The following PBX3 variants were observed in gnomAD, a reference collection of about 807,000 sequenced individuals.
PBX3 encodes the protein pre-B-cell leukemia transcription factor 3.
PBX3 carries 14 observed loss-of-function variants against 48.5 expected under a neutral mutation model. The observed-to-expected ratio is 0.29, with a 90% CI of 0.19 to 0.45. The LOEUF is 0.45. Ranked by LOEUF, PBX3 falls within the 20% of genes least tolerant of loss-of-function variation. The pLI, the probability that PBX3 is intolerant of heterozygous loss-of-function variation, is 1.00. For missense variants in PBX3, 386 were observed against 546.7 expected, an observed-to-expected ratio of 0.71 and a Z score of 2.93; for synonymous variants, 210 against 200.3, an observed-to-expected ratio of 1.05 and a Z score of -0.41.
chr9:125,888,010 C>T (rs951471538), intron 2 of PBX3, among the ~76,000 whole-genome samples: 13 of 152,124 alleles, frequency 8.5e-5, no homozygotes, highest in African/African-American at 3.1e-4. Flanking sequence ...GAGAGGAATC[C>T]AAACTTGGTG....
At chr9:125,915,983 G>A in intron 3 of PBX3, 56 bp downstream of exon 3, 1 of 1,589,960 alleles carries the variant, frequency 6.3e-7, no homozygotes, top group Non-Finnish European at 8.6e-7. Context: ...TCTTCTATTA[G>A]ACCATGCTAA....
intron 2 of PBX3, among the ~76,000 whole-genome samples, chr9:125,758,342 G>A (rs999839971): frequency 1.3e-5 from 2 of 151,052 alleles, no homozygotes; most frequent in African/African-American, 2.4e-5. Context: ...TTTAATTACT[G>A]TGATTATTAT....
intron 3 of PBX3, among the ~76,000 whole-genome samples, chr9:125,922,665 T>A (rs185723577): frequency 1.4e-4 from 21 of 152,292 alleles, no homozygotes; most frequent in Non-Finnish European, 8.8e-5. Flanking sequence ...AGCATCAATG[T>A]TAATATGTGG....
intron 2 of PBX3, among the ~76,000 whole-genome samples, chr9:125,824,862 C>CA (rs1423596240): frequency 3.3e-5 from 5 of 152,182 alleles, no homozygotes; most frequent in African/African-American, 1.2e-4. Context: ...GACTGTTTGC[C>CA]ATGCGTTGTG....
chr9:125,934,957 C>A (rs112177109), intron 4 of PBX3, among the ~76,000 whole-genome samples: 3 of 152,286 alleles, frequency 2.0e-5, no homozygotes, highest in African/African-American at 7.2e-5. Flanking sequence ...AAACTTAAAA[C>A]CTTTAATAGT....
At chr9:125,954,261 A>G (rs1421192237) in intron 5 of PBX3, among the ~76,000 whole-genome samples, 2 of 152,226 alleles carry the variant, frequency 1.3e-5, no homozygotes, top group Non-Finnish European at 2.9e-5. Context: ...CAAAATAAGT[A>G]TATTTTTATT....
chr9:125,782,739 G>T (rs1837355631), intron 2 of PBX3, among the ~76,000 whole-genome samples: 1 of 152,126 alleles, frequency 6.6e-6, no homozygotes, highest in African/African-American at 2.4e-5. Context: ...AGCGTAGGTA[G>T]GTCTACTAAC....
intron 2 of PBX3, among the ~76,000 whole-genome samples, chr9:125,863,416 TGGC>T (rs1839909699): frequency 6.6e-6 from 1 of 151,974 alleles, no homozygotes; most frequent in South Asian, 2.1e-4. Context: ...TTCACCATGT[TGGC>T]CAGGATTGTC....
chr9:125,821,031 T>G (rs1838636796), intron 2 of PBX3, among the ~76,000 whole-genome samples: 1 of 152,204 alleles, frequency 6.6e-6, no homozygotes, highest in South Asian at 2.1e-4. Flanking sequence ...TTGTAACTTA[T>G]AGCCAAAATA....
At chr9:125,794,930 T>G (rs546799072) in intron 2 of PBX3, among the ~76,000 whole-genome samples, 36 of 152,168 alleles carry the variant, frequency 2.4e-4, no homozygotes, top group Non-Finnish European at 4.1e-4. Context: ...AATGAGCCAT[T>G]ACGTTTTGAA....
In PBX3 at chr9:125,747,464, A is replaced by G; in HGVS notation, c.11A>G (p.Gln4Arg). 1 of 1,513,770 alleles carries G rather than the reference A, an allele frequency of 6.6e-7. No homozygotes were observed. Among genetic ancestry groups the G allele is most frequent in the Admixed American group, 2.1e-5 (1 of 48,380 alleles). The allele number at this position is 1,513,770 out of a possible 1,614,324, so 93.8% of individuals were successfully genotyped here. Residue 4 changes from glutamine to arginine, a missense_variant, in exon 1 of 9, where the codon CAA (glutamine) becomes CGA (arginine). By Grantham distance (43) the Gln-to-Arg change is conservative (BLOSUM62 1). Transcript: ENST00000373489. MDD[Q>R]SRMLQTLAGV... ...CCCGCGCGCGGCGGGATGGACGATCAATCCAGGATGCTGCAGACTCTGGCC... is the reference window on the plus strand; with the variant it reads ...CCCGCGCGCGGCGGGATGGACGATCGATCCAGGATGCTGCAGACTCTGGCC...
intron 2 of PBX3, among the ~76,000 whole-genome samples, chr9:125,868,527 C>T (rs1840042665): frequency 6.6e-6 from 1 of 152,108 alleles, no homozygotes; most frequent in Non-Finnish European, 1.5e-5. Context: ...AGAGTGATTC[C>T]ACAGATATGA....
chr9:125,943,352 C>CAAAAAAAAAAAAAAAAAAAAA lies in PBX3; in HGVS notation c.843+7772_843+7792dup, dbSNP rs60326557. Among the ~76,000 whole-genome samples, 5 of 60,880 alleles carry CAAAAAAAAAAAAAAAAAAAAA rather than the reference C, an allele frequency of 8.2e-5. 1 individual carries two copies. Among genetic ancestry groups the CAAAAAAAAAAAAAAAAAAAAA allele is most frequent in the South Asian group, 7.6e-4 (1 of 1,320 alleles). The allele number at this position is 60,880 out of a possible 152,430, so 39.9% of individuals were successfully genotyped here. On this transcript the variant is annotated intron_variant, in intron 5 of 8. Coordinates refer to ENST00000373489, the MANE Select transcript of PBX3 (RefSeq NM_006195.6). ...CTTGGGCTGCAGAGTGAGACTGTCT[C>CAAAAAAAAAAAAAAAAAAAAA]AAAAAAAAAAAAAAAAAAAAAAAAA...
chr9:125,824,837 C>T (rs1838760206), intron 2 of PBX3, among the ~76,000 whole-genome samples: 1 of 152,078 alleles, frequency 6.6e-6, no homozygotes. Context: ...CGATAGCTAC[C>T]ATTGACTGAA....
chr9:125,781,568 G>C (rs971076750), intron 2 of PBX3, among the ~76,000 whole-genome samples: 18 of 147,018 alleles, frequency 1.2e-4, no homozygotes, highest in African/African-American at 4.2e-4. Context: ...GGAGAGGCGA[G>C]AGGGGAGAGG....
chr9:125,944,160 C>T (rs972726682), intron 5 of PBX3, among the ~76,000 whole-genome samples: 1 of 152,226 alleles, frequency 6.6e-6, no homozygotes, highest in African/African-American at 2.4e-5. Flanking sequence ...TCTGTTGATT[C>T]TGTGATGTTT....
intron 2 of PBX3, chr9:125,843,889 A>G: frequency 2.2e-6 from 1 of 454,694 alleles, no homozygotes; most frequent in South Asian, 1.6e-5. Context: ...GGCAATTGCC[A>G]GGGGTTAATG....
intron 2 of PBX3, among the ~76,000 whole-genome samples, chr9:125,778,252 G>A (rs563070087): frequency 1.0e-4 from 15 of 150,290 alleles, no homozygotes; most frequent in African/African-American, 3.0e-4. Flanking sequence ...GTGAGCCACC[G>A]TGCCTGGCCC....
intron 2 of PBX3, among the ~76,000 whole-genome samples, chr9:125,910,386 A>G (rs1488509617): frequency 2.0e-5 from 3 of 152,070 alleles, no homozygotes; most frequent in Admixed American, 2.0e-4. Flanking sequence ...ACTTCACTGT[A>G]ATATATGGTA....
Sources: gnomAD v4.1 joint callset for allele counts (sites outside exome capture counted in the v4.1 genomes callset) on GRCh38, gnomAD v4.1.1 for gene constraint, MANE v1.5 for transcripts, NCBI Gene and HGNC (gene_info 2026-07-23, HGNC 2026-07-21) for gene names.